CRYBG3: variants seen among roughly 807,000 people sequenced by gnomAD.
The protein encoded by CRYBG3 is very large A-kinase anchor protein.
A neutral mutation model predicts 244.2 loss-of-function variants in CRYBG3; 127 were observed. That is an observed-to-expected ratio of 0.52 (90% CI 0.45 to 0.60). The LOEUF is 0.60. CRYBG3 is among the 20% of genes least tolerant of loss of function. The pLI, the probability that CRYBG3 is intolerant of heterozygous loss-of-function variation, is 0.00. For synonymous variants in CRYBG3, 1,132 were observed against 1,195.8 expected (o/e 0.95, Z 1.10); for missense variants, 3,325 against 3,442.5 (o/e 0.97, Z 0.85).
At chr3:97,890,860 T>G (rs2039568270) in intron 10 of CRYBG3, among the ~76,000 whole-genome samples, 1 of 152,136 alleles carries the variant, frequency 6.6e-6, no homozygotes, top group South Asian at 2.1e-4. Context: ...ATGCAGCTAG[T>G]ATTTGAGAAG....
intron 17 of CRYBG3, among the ~76,000 whole-genome samples, chr3:97,929,775 A>G (rs1271586272): frequency 6.6e-6 from 1 of 152,002 alleles, no homozygotes; most frequent in African/African-American, 2.4e-5. Context: ...ACTAATTTAT[A>G]TAAGCTGTTA....
chr3:97,931,947 G>A (rs2040102278), intron 17 of CRYBG3, among the ~76,000 whole-genome samples: 1 of 151,862 alleles, frequency 6.6e-6, no homozygotes, highest in South Asian at 2.1e-4. Flanking sequence ...ATTGCCTGAA[G>A]GCCATTAAAA....
intron 17 of CRYBG3, among the ~76,000 whole-genome samples, chr3:97,916,593 A>G (rs1171865499): frequency 1.3e-5 from 2 of 152,166 alleles, no homozygotes; most frequent in African/African-American, 4.8e-5. Context: ...TCAGTTTTAC[A>G]CAGAGCTGAT....
chr3:97,931,560 C>T (rs831868), intron 17 of CRYBG3, among the ~76,000 whole-genome samples: 117,773 of 151,998 alleles, frequency 0.77, 45,999 homozygotes, highest in East Asian at 0.85. Flanking sequence ...CCTGGTCTTT[C>T]CCTGGAACTC....
intron 15 of CRYBG3, among the ~76,000 whole-genome samples, chr3:97,903,747 A>G (rs1021125602): frequency 6.6e-6 from 1 of 152,194 alleles, no homozygotes; most frequent in African/African-American, 2.4e-5. Flanking sequence ...TTGTTAGTAT[A>G]TAAGTGAAAA....
intron 8 of CRYBG3, 74 bp from the exon 9 acceptor site, chr3:97,888,267 G>A: frequency 1.2e-6 from 1 of 853,482 alleles, no homozygotes; most frequent in Non-Finnish European, 1.9e-6. Context: ...TTTTATTTTG[G>A]TAGCCCTTTT....
chr3:97,896,217 A>G, intron 12 of CRYBG3, 132 bp downstream of exon 12: 2 of 739,084 alleles, frequency 2.7e-6, no homozygotes, highest in Admixed American at 3.3e-5. Context: ...TCAACTGCTT[A>G]TGCAACTTGC....
chr3:97,906,231 C>T lies in CRYBG3; in HGVS notation c.8004+5746C>T, dbSNP rs934727072. Reference sequence around the variant, plus strand: ...TAGGATTGACTTCGCAATGCGGGCTCTTTTTTGGTTCCATATGAACTTTAA... The same window carrying T: ...TAGGATTGACTTCGCAATGCGGGCTTTTTTTTGGTTCCATATGAACTTTAA... On this transcript the variant is annotated intron_variant, in intron 15 of 21. Coordinates refer to ENST00000389622, the MANE Select transcript of CRYBG3 (RefSeq NM_153605.4). 1.4e-4 allele frequency among the ~76,000 whole-genome samples: 19 copies of T among 132,536 alleles called. 1 individual carries two copies. Among genetic ancestry groups the T allele is most frequent in the African/African-American group, 4.9e-4 (19 of 38,386 alleles). The allele number at this position is 132,536 out of a possible 152,430, so 86.9% of individuals were successfully genotyped here. A position where few individuals can be genotyped will look rare whatever the true frequency, so the allele number is the denominator to read the frequency against.
chr3:97,822,034 G>A lies in CRYBG3; in HGVS notation c.-173G>A, dbSNP rs918236660. 1.5e-5 allele frequency: 7 copies of A among 453,622 alleles called. No homozygotes were observed. The highest frequency in any genetic ancestry group is 8.8e-5 in the Admixed American group (2 of 22,630). 28.1% of individuals were successfully genotyped at this position (453,622 alleles called of 1,614,324 possible). On this transcript the variant is annotated 5_prime_UTR_variant, in exon 1 of 22. Coordinates refer to ENST00000389622, the MANE Select transcript of CRYBG3 (RefSeq NM_153605.4). ...GCGGCGTGAGGAGCTGCCGCGCGAG[G>A]AGCGCGTCGCGTCCGCACTTCTCCT...
In CRYBG3 at chr3:97,876,605, G is replaced by A. The variant is rs553783903; in HGVS notation, c.5411G>A (p.Cys1804Tyr). 4.6e-5 allele frequency: 57 copies of A among 1,233,836 alleles called. No homozygotes were observed. In the Admixed American group the frequency reaches 1.3e-3, roughly 27 times the overall value. 76.4% of individuals were successfully genotyped at this position (1,233,836 alleles called of 1,614,324 possible). A position where few individuals can be genotyped will look rare whatever the true frequency, so the allele number is the denominator to read the frequency against. The stretch of plus-strand genomic sequence containing the variant: ...ATTAAGAATACTGAAATAGTACCGT[G>A]TGTGTTAAAAGTGAAGGAAGCACAC... ...EVIKNTEIVP[C>Y]VLKVKEAHET... Residue 1804 changes from cysteine (C) to tyrosine (Y), a missense_variant, in exon 4 of 22, where the codon TGT (cysteine) becomes TAT (tyrosine). Cys to Tyr is a radical substitution (Grantham distance 194). This residue lies in a region of CRYBG3 where 635 missense variants were observed against 771.7 expected (regional missense o/e 0.82). Coordinates refer to ENST00000389622, the MANE Select transcript of CRYBG3 (RefSeq NM_153605.4).
At position 97,942,533 on chromosome 3, in the gene CRYBG3, A is replaced by G. The variant is rs537896136; in HGVS notation, c.8824+90A>G. The stretch of plus-strand genomic sequence containing the variant: ...TTTTGGGTAAAGGACATCCTTATGT[A>G]TAAGAGAAATGTTAAGTCATTTAAA... On this transcript the variant is annotated intron_variant, in intron 21 of 21. Transcript: ENST00000389622. 7.1e-5 allele frequency: 82 copies of G among 1,146,912 alleles called. No homozygotes were observed. Among genetic ancestry groups the G allele is most frequent in the African/African-American group, 6.7e-4 (43 of 64,048 alleles). 71.0% of individuals were successfully genotyped at this position (1,146,912 alleles called of 1,614,324 possible).
At chr3:97,911,102 A>T (rs138204574) in intron 15 of CRYBG3, among the ~76,000 whole-genome samples, 1 of 152,212 alleles carries the variant, frequency 6.6e-6, no homozygotes, top group East Asian at 1.9e-4. Context: ...ATTTTGACTG[A>T]TCTTTGATAA....
intron 2 of CRYBG3, among the ~76,000 whole-genome samples, chr3:97,852,060 A>C (rs1451402836): frequency 1.3e-5 from 2 of 152,222 alleles, no homozygotes; most frequent in Admixed American, 6.5e-5. Flanking sequence ...TTTGAGGTCC[A>C]GTGAAGCATC....
intron 2 of CRYBG3, among the ~76,000 whole-genome samples, chr3:97,853,062 TG>T (rs1318783069): frequency 6.6e-6 from 1 of 152,184 alleles, no homozygotes; most frequent in Non-Finnish European, 1.5e-5. Context: ...TTTGGTTATA[TG>T]GATAAGTACT....
At chr3:97,869,251 G>T (rs1341414486) in intron 3 of CRYBG3, among the ~76,000 whole-genome samples, 6 of 151,716 alleles carry the variant, frequency 4.0e-5, no homozygotes, top group African/African-American at 1.5e-4. Context: ...AACTTTTGGG[G>T]TTTTGTTGGT....
At chr3:97,878,757 A>G (rs989771550) in intron 4 of CRYBG3, among the ~76,000 whole-genome samples, 2 of 152,240 alleles carry the variant, frequency 1.3e-5, no homozygotes, top group Non-Finnish European at 2.9e-5. Context: ...GCCTCGCACT[A>G]CAACAACTCA....
chr3:97,839,476 A>G (rs958229231), intron 1 of CRYBG3, among the ~76,000 whole-genome samples: 3 of 151,928 alleles, frequency 2.0e-5, no homozygotes, highest in Non-Finnish European at 4.4e-5. Flanking sequence ...TCCACTCCCT[A>G]CTTAATGGTT....
chr3:97,857,344 T>C (rs1015702141), intron 2 of CRYBG3, among the ~76,000 whole-genome samples: 5 of 152,086 alleles, frequency 3.3e-5, no homozygotes, highest in African/African-American at 1.2e-4. Context: ...ATGTGTATTC[T>C]GTAGCTATTA....
chr3:97,926,785 C>T (rs2040045440), intron 17 of CRYBG3, among the ~76,000 whole-genome samples: 1 of 151,938 alleles, frequency 6.6e-6, no homozygotes, highest in African/African-American at 2.4e-5. Flanking sequence ...AACGTCCAAG[C>T]TGAGAGCCAA....
Sources: gnomAD v4.1 joint callset for allele counts (sites outside exome capture counted in the v4.1 genomes callset) on GRCh38, gnomAD v4.1.1 for gene constraint, gnomAD v4.1.1 regional missense constraint, MANE v1.5 for transcripts, NCBI Gene and HGNC (gene_info 2026-07-23, HGNC 2026-07-21) for gene names.